Variants in PHEX observed in about 807,000 individuals in gnomAD.
PHEX encodes the protein phosphate-regulating neutral endopeptidase PHEX.
PHEX carries 16 observed loss-of-function variants against 68.0 expected under a neutral mutation model. That is an observed-to-expected ratio of 0.24 (90% CI 0.16 to 0.36). The LOEUF (loss-of-function observed/expected upper bound fraction) is 0.36, where lower values mean the gene tolerates loss of function less well. Ranked by LOEUF, PHEX falls within the 10% of genes least tolerant of loss-of-function variation. The pLI is 1.00. For synonymous variants in PHEX, 208 were observed against 205.1 expected (o/e 1.01, Z -0.12); for missense variants, 480 against 575.5 (o/e 0.83, Z 1.70).
At chrX:22,115,289 C>T (rs2147066573) in intron 11 of PHEX, among the ~76,000 whole-genome samples, 1 of 112,341 alleles carries the variant, frequency 8.9e-6, no homozygotes, top group South Asian at 3.7e-4. Flanking sequence ...CGAGATCGCG[C>T]CACTGCCCTT....
intron 9 of PHEX, among the ~76,000 whole-genome samples, chrX:22,107,875 T>A (rs766223078): frequency 6.3e-5 from 7 of 111,926 alleles, no homozygotes; most frequent in African/African-American, 2.3e-4. Context: ...TATATGTGGG[T>A]GCTCAGGATG....
intron 10 of PHEX, among the ~76,000 whole-genome samples, chrX:22,112,952 C>CTA (rs1164011927): frequency 3.7e-5 from 4 of 106,761 alleles, no homozygotes; most frequent in Non-Finnish European, 7.8e-5. Flanking sequence ...CATAAAACAA[C>CTA]TATATATATA....
At chrX:22,173,396 A>C (rs1933604372) in intron 13 of PHEX, among the ~76,000 whole-genome samples, 1 of 109,691 alleles carries the variant, frequency 9.1e-6, no homozygotes, top group African/African-American at 3.3e-5. Flanking sequence ...GCTGGCTGGA[A>C]CTCCCTCAGA....
chrX:22,244,340 G>A (rs937401669), intron 20 of PHEX, among the ~76,000 whole-genome samples: 5 of 110,711 alleles, frequency 4.5e-5, no homozygotes, highest in East Asian at 2.8e-4. Context: ...TGTAGATGAC[G>A]GGTTGACGGG....
Position 22,056,123 on chromosome X carries a change from A to G in PHEX, c.349+8912A>G, listed in dbSNP as rs150501007. On this transcript the variant is annotated intron_variant, in intron 3 of 21. Transcript: ENST00000379374. The stretch of plus-strand genomic sequence containing the variant: ...CACTTCAAATAGATTGAAATGCACA[A>G]CATTTTGATTGTACTACTCTGTGAA... 7.9e-4 allele frequency among the ~76,000 whole-genome samples: 89 copies of G among 112,452 alleles called. 1 individual carries two copies. The highest frequency in any genetic ancestry group is 2.7e-3 in the African/African-American group (84 of 31,004).
intron 12 of PHEX, among the ~76,000 whole-genome samples, chrX:22,137,668 T>G (rs1932289585): frequency 9.0e-6 from 1 of 111,130 alleles, no homozygotes; most frequent in African/African-American, 3.3e-5. Context: ...TGGGAACTCA[T>G]TAGAGATGCA....
intron 15 of PHEX, among the ~76,000 whole-genome samples, chrX:22,203,413 G>A (rs1453323267): frequency 1.8e-5 from 2 of 110,082 alleles, no homozygotes; most frequent in East Asian, 5.7e-4. Flanking sequence ...TCCCTTGACA[G>A]GAGTCACAGC....
Position 22,032,686 on chromosome X carries a change from C to CAT in PHEX, c.-314_-313dup. 1 of 276,915 alleles carries CAT rather than the reference C, an allele frequency of 3.6e-6. No individual in the cohort carries two copies. Among genetic ancestry groups the CAT allele is most frequent in the East Asian group, 7.7e-5 (1 of 12,936 alleles). The allele number at this position is 276,915 out of a possible 1,213,427, so 22.8% of individuals were successfully genotyped here. A position where few individuals can be genotyped will look rare whatever the true frequency, so the allele number is the denominator to read the frequency against. On this transcript the variant is annotated 5_prime_UTR_variant, in exon 1 of 22. Transcript: ENST00000379374. ...ACATCTGTTCAGCAACATAGTAAAA[C>CAT]ATATATACTCGGAACGCTTGAGAGA...
At chrX:22,107,906 G>C (rs1292170501) in intron 9 of PHEX, among the ~76,000 whole-genome samples, 2 of 112,101 alleles carry the variant, frequency 1.8e-5, no homozygotes, top group Non-Finnish European at 3.8e-5. Flanking sequence ...GTGAATGAAA[G>C]AAAGACCCTT....
At chrX:22,194,953 T>C (rs1176079693) in intron 15 of PHEX, among the ~76,000 whole-genome samples, 3 of 112,501 alleles carry the variant, frequency 2.7e-5, no homozygotes, top group Non-Finnish European at 5.6e-5. Flanking sequence ...TCTGAAATGA[T>C]TGGTGCTTAA....
chrX:22,146,511 C>G (rs1301445109), intron 12 of PHEX, among the ~76,000 whole-genome samples: 1 of 111,918 alleles, frequency 8.9e-6, no homozygotes, highest in East Asian at 2.8e-4. Flanking sequence ...ATTTGTGGAA[C>G]AGTGGGACTA....
At chrX:22,215,243 A>G (rs774071204) in intron 16 of PHEX, among the ~76,000 whole-genome samples, 1 of 111,183 alleles carries the variant, frequency 9.0e-6, no homozygotes, top group Non-Finnish European at 1.9e-5. Flanking sequence ...TTTCCTAAAG[A>G]CTTGTTTGTC....
chrX:22,106,778 C>CAAAAAAA (rs10647092), intron 9 of PHEX, among the ~76,000 whole-genome samples: 21 of 53,273 alleles, frequency 3.9e-4, no homozygotes, highest in African/African-American at 1.5e-3. Flanking sequence ...AACTCTGTCT[C>CAAAAAAA]AAAAAAAAAA....
chrX:22,054,339 C>T (rs1464976135), intron 3 of PHEX, among the ~76,000 whole-genome samples: 5 of 111,084 alleles, frequency 4.5e-5, no homozygotes, highest in Admixed American at 1.9e-4. Context: ...TTCCTCATGT[C>T]GGCCAGGCTG....
chrX:22,131,134 A>G (rs909345248), intron 11 of PHEX, among the ~76,000 whole-genome samples: 1 of 110,066 alleles, frequency 9.1e-6, no homozygotes, highest in Admixed American at 9.7e-5. Context: ...CTGCCTCCCG[A>G]GTTCCAGTGA....
chrX:22,129,988 A>G (rs1362909769), intron 11 of PHEX, among the ~76,000 whole-genome samples: 2 of 110,462 alleles, frequency 1.8e-5, no homozygotes, highest in African/African-American at 3.3e-5. Flanking sequence ...TTTTCTTCCA[A>G]TTTTCTCAGT....
chrX:22,173,212 C>T (rs1489428258), intron 13 of PHEX, among the ~76,000 whole-genome samples: 2 of 112,521 alleles, frequency 1.8e-5, no homozygotes, highest in Non-Finnish European at 3.8e-5. Context: ...GCCATCATGG[C>T]ACTGGAGAGC....
intron 11 of PHEX, among the ~76,000 whole-genome samples, chrX:22,132,203 G>C (rs976862657): frequency 3.6e-5 from 4 of 111,505 alleles, no homozygotes; most frequent in African/African-American, 1.3e-4. Flanking sequence ...GAGCTCAAGT[G>C]ATCTTCCTGC....
chrX:22,231,483 A>G (rs980947424), intron 20 of PHEX, among the ~76,000 whole-genome samples: 15 of 108,667 alleles, frequency 1.4e-4, no homozygotes, highest in African/African-American at 4.9e-4. Flanking sequence ...TTCAACTTCT[A>G]CCTGGTTTAG....
Sources: allele counts gnomAD v4.1 joint callset (sites outside exome capture counted in the v4.1 genomes callset), GRCh38; gene constraint gnomAD v4.1.1; transcripts MANE v1.5; gene names NCBI Gene and HGNC (gene_info 2026-07-23, HGNC 2026-07-21).